CFAP299: variants seen among roughly 807,000 people sequenced by gnomAD.
The protein encoded by CFAP299 is cilia- and flagella-associated protein 299.
CFAP299 carries 21 observed loss-of-function variants against 27.0 expected under a neutral mutation model. That is an observed-to-expected ratio of 0.78 (90% CI 0.55 to 1.12). CFAP299 has a LOEUF of 1.12. Among genes scored for constraint, CFAP299 ranks in the 50% most tolerant of loss-of-function variants. CFAP299 has a pLI of 0.00. For missense variants in CFAP299, 310 were observed against 276.6 expected, an observed-to-expected ratio of 1.12 and a Z score of -0.86; for synonymous variants, 104 against 98.1, an observed-to-expected ratio of 1.06 and a Z score of -0.36.
intron 3 of CFAP299, among the ~76,000 whole-genome samples, chr4:80,738,288 A>G (rs928456348): frequency 1.3e-5 from 2 of 151,946 alleles, no homozygotes; most frequent in Admixed American, 1.3e-4. Flanking sequence ...TTCTTTGTTG[A>G]TTTTCTGTCT....
At chr4:80,582,399 C>G (rs1264562648) in intron 2 of CFAP299, among the ~76,000 whole-genome samples, 3 of 151,784 alleles carry the variant, frequency 2.0e-5, no homozygotes, top group African/African-American at 7.2e-5. Context: ...TGCCCTGATA[C>G]AGTTACTGGT....
intron 2 of CFAP299, among the ~76,000 whole-genome samples, chr4:80,526,228 A>C (rs1397893367): frequency 1.3e-5 from 2 of 152,164 alleles, no homozygotes; most frequent in Non-Finnish European, 2.9e-5. Context: ...ATGGATCTCC[A>C]TTTTGATTAA....
At chr4:80,620,220 T>C (rs574521296) in intron 3 of CFAP299, among the ~76,000 whole-genome samples, 2 of 152,282 alleles carry the variant, frequency 1.3e-5, no homozygotes, top group Admixed American at 1.3e-4. Flanking sequence ...AGTGGATTTA[T>C]AGACACAACA....
intron 2 of CFAP299, among the ~76,000 whole-genome samples, chr4:80,397,405 A>G (rs1376516746): frequency 6.6e-6 from 1 of 151,642 alleles, no homozygotes; most frequent in East Asian, 1.9e-4. Context: ...GATCTTAGTT[A>G]TTTCTTGCCT....
At chr4:80,425,678 C>T (rs1727497425) in intron 2 of CFAP299, among the ~76,000 whole-genome samples, 1 of 152,212 alleles carries the variant, frequency 6.6e-6, no homozygotes, top group Non-Finnish European at 1.5e-5. Context: ...TTGTGCTCTG[C>T]ACCTGCAGTA....
intron 3 of CFAP299, among the ~76,000 whole-genome samples, chr4:80,671,383 G>A (rs1196736071): frequency 1.3e-5 from 2 of 152,072 alleles, no homozygotes; most frequent in African/African-American, 4.8e-5. Context: ...TGCTGTTTTG[G>A]TTACAAAAAC....
At chr4:80,390,878 T>TATATATGTATATACGCACATATATGC (rs1725413690) in intron 2 of CFAP299, among the ~76,000 whole-genome samples, 2 of 66,700 alleles carry the variant, frequency 3.0e-5, no homozygotes, top group African/African-American at 8.4e-5. Context: ...CACATATATG[T>TATATATGTATATACGCACATATATGC]ATATATGTAT....
intron 2 of CFAP299, among the ~76,000 whole-genome samples, chr4:80,531,760 T>G (rs1733480044): frequency 7.8e-6 from 1 of 127,528 alleles, no homozygotes; most frequent in African/African-American, 3.1e-5. Context: ...TTTTTTTTTT[T>G]TTTTTTTTTT....
chr4:80,615,892 C>A (rs1005317532), intron 3 of CFAP299, among the ~76,000 whole-genome samples: 1 of 152,154 alleles, frequency 6.6e-6, no homozygotes, highest in Non-Finnish European at 1.5e-5. Flanking sequence ...GCCCTCAATA[C>A]CTCCTTCAAA....
At chr4:80,891,325 C>G (rs1197512589) in intron 4 of CFAP299, among the ~76,000 whole-genome samples, 1 of 151,546 alleles carries the variant, frequency 6.6e-6, no homozygotes, top group East Asian at 2.0e-4. Context: ...GGAATCCTTT[C>G]CCCATTGCTT....
chr4:80,457,971 C>G (rs115373400), intron 2 of CFAP299, among the ~76,000 whole-genome samples: 2,465 of 152,250 alleles, frequency 0.016, 61 homozygotes, highest in African/African-American at 0.055. Flanking sequence ...GCATATTAAT[C>G]CATCTCTTGT....
At chr4:80,683,967 A>G (rs1465503510) in intron 3 of CFAP299, among the ~76,000 whole-genome samples, 2 of 152,186 alleles carry the variant, frequency 1.3e-5, no homozygotes, top group African/African-American at 4.8e-5. Flanking sequence ...TTTGGCAGAT[A>G]ATTCCATTTC....
chr4:80,649,359 C>T (rs1740178914), intron 3 of CFAP299, among the ~76,000 whole-genome samples: 6 of 152,076 alleles, frequency 3.9e-5, no homozygotes, highest in Admixed American at 3.9e-4. Context: ...TGAGAAGCTT[C>T]TTCATAGAAG....
At chr4:80,401,097 C>G (rs937961750) in intron 2 of CFAP299, among the ~76,000 whole-genome samples, 2 of 152,118 alleles carry the variant, frequency 1.3e-5, no homozygotes. Context: ...CAGGAGGTTA[C>G]TTGGGTACTA....
chr4:80,434,539 A>C lies in CFAP299; in HGVS notation c.242+71655A>C, dbSNP rs377705669. ...AGTCATATTCCACCATGTAGATAAG[A>C]GCAATACCTTAGAGATGACAAAGTT... On this transcript the variant is annotated intron_variant, in intron 2 of 5. Coordinates refer to ENST00000358105, the MANE Select transcript of CFAP299 (RefSeq NM_152770.3). Among the ~76,000 whole-genome samples the C allele has an allele frequency of 2.6e-5, 4 of 152,232 alleles. No individual in the cohort carries two copies. In the East Asian group the frequency reaches 7.7e-4, roughly 29 times the overall value.
intron 4 of CFAP299, among the ~76,000 whole-genome samples, chr4:80,924,961 T>G (rs566027252): frequency 6.6e-6 from 1 of 152,048 alleles, no homozygotes; most frequent in South Asian, 2.1e-4. Flanking sequence ...TTTAAATTAC[T>G]TTATAGAAGA....
intron 2 of CFAP299, among the ~76,000 whole-genome samples, chr4:80,561,251 T>C (rs1735023345): frequency 6.6e-6 from 1 of 152,138 alleles, no homozygotes; most frequent in Non-Finnish European, 1.5e-5. Flanking sequence ...AACCACAGCA[T>C]TACTGGACTT....
At chr4:80,900,934 A>C (rs1197813314) in intron 4 of CFAP299, among the ~76,000 whole-genome samples, 1 of 152,110 alleles carries the variant, frequency 6.6e-6, no homozygotes, top group Admixed American at 6.6e-5. Context: ...ACCAACCCAC[A>C]GTAGATGCTT....
chr4:80,736,499 G>A (rs538880256), intron 3 of CFAP299, among the ~76,000 whole-genome samples: 11 of 151,560 alleles, frequency 7.3e-5, no homozygotes, highest in East Asian at 5.8e-4. Context: ...AAAAGTGGGC[G>A]AAGGACATGA....
Sources: allele counts gnomAD v4.1 joint callset (sites outside exome capture counted in the v4.1 genomes callset), GRCh38; gene constraint gnomAD v4.1.1; transcripts MANE v1.5; gene names NCBI Gene and HGNC (gene_info 2026-07-23, HGNC 2026-07-21).